The following CYB5D2 variants were observed in gnomAD, a reference collection of about 807,000 sequenced individuals.
The protein encoded by CYB5D2 is neuferricin.
CYB5D2 carries 23 observed loss-of-function variants against 22.8 expected under a neutral mutation model. The observed-to-expected ratio is 1.01, with a 90% confidence interval of 0.73 to 1.43. The LOEUF (loss-of-function observed/expected upper bound fraction) is 1.43, where lower values mean the gene tolerates loss of function less well. Ranked by LOEUF, CYB5D2 falls within the 40% of genes most tolerant of loss-of-function variation. The pLI, the probability that CYB5D2 is intolerant of heterozygous loss-of-function variation, is 0.00. For missense variants in CYB5D2, 373 were observed against 357.2 expected (o/e 1.04, Z -0.36); for synonymous variants, 170 against 152.2 (o/e 1.12, Z -0.86).
chr17:4,149,755 T>C (rs988701153), intron 1 of CYB5D2, 136 bp from the exon 2 acceptor site: 35 of 1,032,202 alleles, frequency 3.4e-5, no homozygotes, highest in Middle Eastern at 2.3e-4. Context: ...GCTGAAATCA[T>C]GCCACTGCAC....
At position 4,157,123 on chromosome 17, in the gene CYB5D2, C is replaced by A; in HGVS notation, c.*41C>A. ...GTTAATAACACACAGAGAGCTCTGC[C>A]AAGCACCTGAGTAGGCCCTTGACAC... On this transcript the variant is annotated 3_prime_UTR_variant, in exon 4 of 4. Coordinates refer to ENST00000301391, the MANE Select transcript of CYB5D2 (RefSeq NM_144611.4). The surrounding 1 kb of genome is among the most constrained non-coding windows in gnomAD (Gnocchi z 4.4). The A allele has an allele frequency of 6.2e-7, 1 of 1,601,056 alleles. No homozygotes were observed. Among genetic ancestry groups the A allele is most frequent in the Non-Finnish European group, 8.5e-7 (1 of 1,173,450 alleles).
At chr17:4,153,997 T>C (rs1484659866) in intron 2 of CYB5D2, among the ~76,000 whole-genome samples, 1 of 152,236 alleles carries the variant, frequency 6.6e-6, no homozygotes, top group Non-Finnish European at 1.5e-5. Flanking sequence ...TCTTGCCTTG[T>C]GGCAGGTGCT....
chr17:4,146,091 TTTTA>T (rs1416904023), intron 1 of CYB5D2, among the ~76,000 whole-genome samples: 3 of 151,866 alleles, frequency 2.0e-5, no homozygotes, highest in Non-Finnish European at 4.4e-5. Flanking sequence ...CCCCCAACCT[TTTTA>T]TTTATTTATT....
At chr17:4,145,343 C>G (rs946312955) in intron 1 of CYB5D2, among the ~76,000 whole-genome samples, 2 of 152,156 alleles carry the variant, frequency 1.3e-5, no homozygotes, top group African/African-American at 4.8e-5. Context: ...CAGTTGGTCT[C>G]GCAAATCCCC....
chr17:4,147,763 G>C (rs1243998445), intron 1 of CYB5D2, among the ~76,000 whole-genome samples: 2 of 152,260 alleles, frequency 1.3e-5, no homozygotes, highest in African/African-American at 4.8e-5. Flanking sequence ...TGAGGCAGGA[G>C]AATTGCTTGA....
At position 4,143,921 on chromosome 17, in the gene CYB5D2, T is replaced by C; in HGVS notation, c.166T>C (p.Tyr56His). ...YRGGPGDPGL[Y>H]LALLGRVYDV... ...CGGCGGCCCAGGGGACCCGGGCCTG[T>C]ACTTGGCGTTGCTCGGCCGTGTCTA... The change falls in exon 1 of 4, where the codon TAC becomes CAC. Residue 56 changes from tyrosine (Y) to histidine (H), a missense_variant. By Grantham distance (83) the Tyr-to-His change is moderately conservative. Transcript: ENST00000301391. 1 of 1,613,792 alleles carries C rather than the reference T, an allele frequency of 6.2e-7. No individual in the cohort carries two copies. Among genetic ancestry groups the C allele is most frequent in the Non-Finnish European group, 8.5e-7 (1 of 1,180,010 alleles).
rs1383375310 is a variant in CYB5D2 at position 4,149,993 on chromosome 17, A to G, written c.353A>G (p.Asn118Ser). The G allele has an allele frequency of 9.9e-6, 16 of 1,614,164 alleles. No individual in the cohort carries two copies. In the East Asian group the frequency reaches 1.1e-4, roughly 11 times the overall value. ...LSAAEMLTLH[N>S]WLSFYEKNYV... ...GCCGCTGAGATGCTGACACTTCACA[A>G]TTGGCTTTCATTCTATGAGAAGAAT... The change falls in exon 2 of 4, where the codon AAT becomes AGT. Residue 118 changes from asparagine (N) to serine (S), a missense_variant. Transcript: ENST00000301391.
At position 4,143,641 on chromosome 17, in the gene CYB5D2, G is replaced by T. The variant is rs915623688; in HGVS notation, c.-115G>T. On this transcript the variant is annotated 5_prime_UTR_variant, in exon 1 of 4. Coordinates refer to ENST00000301391, the MANE Select transcript of CYB5D2 (RefSeq NM_144611.4). Reference sequence around the variant, plus strand: ...AGGGAGGGAGCGCGAGCACTAGCGCGCGAGAGAGAGAGCGAGAGCGCGCGC... The same window carrying T: ...AGGGAGGGAGCGCGAGCACTAGCGCTCGAGAGAGAGAGCGAGAGCGCGCGC... The T allele has an allele frequency of 7.8e-5, 111 of 1,429,560 alleles. No homozygotes were observed. Among genetic ancestry groups the T allele is most frequent in the Non-Finnish European group, 1.0e-4 (106 of 1,062,078 alleles). The allele number at this position is 1,429,560 out of a possible 1,614,324, so 88.6% of individuals were successfully genotyped here. A position where few individuals can be genotyped will look rare whatever the true frequency, so the allele number is the denominator to read the frequency against.
In CYB5D2 at chr17:4,143,936, G is replaced by T; in HGVS notation, c.181G>T (p.Gly61Cys). The T allele has an allele frequency of 3.7e-6, 6 of 1,613,586 alleles. No homozygotes were observed. The highest frequency in any genetic ancestry group is 1.1e-5 in the South Asian group (1 of 91,052). The change falls in exon 1 of 4, where the codon GGC becomes TGC. Residue 61 changes from glycine (G) to cysteine (C), a missense_variant. By Grantham distance (159) the Gly-to-Cys change is radical. Coordinates refer to ENST00000301391, the MANE Select transcript of CYB5D2 (RefSeq NM_144611.4). ...GDPGLYLALL[G>C]RVYDVSSGRR... is the part of the protein sequence containing the mutation. ...CCCGGGCCTGTACTTGGCGTTGCTC[G>T]GCCGTGTCTACGATGTGTCCTCCGG... is the stretch of plus-strand genomic sequence containing the variant.
At chr17:4,153,831 C>T (rs1416787755) in intron 2 of CYB5D2, among the ~76,000 whole-genome samples, 5 of 152,208 alleles carry the variant, frequency 3.3e-5, no homozygotes, top group Non-Finnish European at 7.3e-5. Context: ...AGAGGCAACA[C>T]GGATTTGGGA....
At position 4,143,857 on chromosome 17, in the gene CYB5D2, C is replaced by G. The variant is rs140723199; in HGVS notation, c.102C>G (p.Gly34=). Residue 34 remains glycine, a synonymous_variant, in exon 1 of 4, where the codon GGC becomes GGG. Coordinates refer to ENST00000301391, the MANE Select transcript of CYB5D2 (RefSeq NM_144611.4). ...TGGGCTGGTGGGGTCCCCGCGCTGG[C>G]TTTCGCCTTTTCATACCGGAGGAGC... ...RLMGWWGPRA[G]FRLFIPEELS... The G allele has an allele frequency of 3.1e-6, 5 of 1,614,120 alleles. No individual in the cohort carries two copies. The African/African-American group carries it at 6.7e-5, about 22-fold the overall frequency.
chr17:4,143,531 A>G lies in CYB5D2; in HGVS notation c.-225A>G. 2.5e-5 allele frequency: 2 copies of G among 78,754 alleles called. No homozygotes were observed. Among genetic ancestry groups the G allele is most frequent in the Non-Finnish European group, 2.1e-5 (1 of 47,288 alleles). The allele number at this position is 78,754 out of a possible 1,614,324, so 4.9% of individuals were successfully genotyped here. A position where few individuals can be genotyped will look rare whatever the true frequency, so the allele number is the denominator to read the frequency against. On this transcript the variant is annotated 5_prime_UTR_variant, in exon 1 of 4. Coordinates refer to ENST00000301391, the MANE Select transcript of CYB5D2 (RefSeq NM_144611.4). ...ACAAGAGCTAAAACTCTGTCTCAGA[A>G]AAAAAAAAAAAAAGTACCTGGAAAA... is the stretch of plus-strand genomic sequence containing the variant.
In CYB5D2 at chr17:4,143,612, A is replaced by C. The variant is rs1339570379; in HGVS notation, c.-144A>C. Reference sequence around the variant, plus strand: ...CAGGAATACAGATAAAACGAGAGAGACTAAGGGAGGGAGCGCGAGCACTAG... The same window carrying C: ...CAGGAATACAGATAAAACGAGAGAGCCTAAGGGAGGGAGCGCGAGCACTAG... On this transcript the variant is annotated 5_prime_UTR_variant, in exon 1 of 4. Coordinates refer to ENST00000301391, the MANE Select transcript of CYB5D2 (RefSeq NM_144611.4). 2 of 1,182,578 alleles carry C rather than the reference A, an allele frequency of 1.7e-6. No individual in the cohort carries two copies. The highest frequency in any genetic ancestry group is 1.5e-5 in the South Asian group (1 of 66,632). The allele number at this position is 1,182,578 out of a possible 1,614,324, so 73.3% of individuals were successfully genotyped here.
intron 3 of CYB5D2, 104 bp from the exon 4 acceptor site, chr17:4,156,762 G>A (rs933469263): frequency 2.0e-4 from 251 of 1,234,276 alleles, no homozygotes; most frequent in Non-Finnish European, 2.7e-4. Flanking sequence ...CACTCTGGTA[G>A]GCTTCTACTT....
At chr17:4,150,791 C>T (rs2059048393) in intron 2 of CYB5D2, among the ~76,000 whole-genome samples, 1 of 152,186 alleles carries the variant, frequency 6.6e-6, no homozygotes, top group South Asian at 2.1e-4. Context: ...GAGGCTGAGG[C>T]AGGAGAATCG....
In CYB5D2 at chr17:4,154,803, C is replaced by T. The variant is rs754761381; in HGVS notation, c.521C>T (p.Pro174Leu). 30 of 1,614,066 alleles carry T rather than the reference C, an allele frequency of 1.9e-5. No individual in the cohort carries two copies. The highest frequency in any genetic ancestry group is 1.6e-4 in the Middle Eastern group (1 of 6,082). ...LQLQEKQTFP[P>L]CNAEWSSARG... ...CTGCAAGAGAAGCAGACATTCCCGC[C>T]GTGCAACGCGGAGTGGAGCTCAGCC... is the stretch of plus-strand genomic sequence containing the variant. Residue 174 changes from proline to leucine, a missense_variant, in exon 3 of 4, where the codon CCG becomes CTG. Physicochemically the swap from Pro to Leu is moderately conservative, Grantham distance 98. Transcript: ENST00000301391.
chr17:4,152,753 G>T (rs969871380), intron 2 of CYB5D2, among the ~76,000 whole-genome samples: 1 of 152,160 alleles, frequency 6.6e-6, no homozygotes, highest in African/African-American at 2.4e-5. Flanking sequence ...TATTTAAAAT[G>T]AATGCTCTAT....
intron 2 of CYB5D2, among the ~76,000 whole-genome samples, chr17:4,151,822 T>A (rs2059061555): frequency 6.6e-6 from 1 of 152,016 alleles, no homozygotes; most frequent in Non-Finnish European, 1.5e-5. Flanking sequence ...CTGACCAACA[T>A]GGCAAAACCA....
At chr17:4,155,406 TCAG>T (rs2059103402) in intron 3 of CYB5D2, among the ~76,000 whole-genome samples, 1 of 152,060 alleles carries the variant, frequency 6.6e-6, no homozygotes, top group African/African-American at 2.4e-5. Flanking sequence ...TCGCTTGAGC[TCAG>T]GAGTTGGAGT....
Sources: gnomAD v4.1 joint callset for allele counts (sites outside exome capture counted in the v4.1 genomes callset) on GRCh38, gnomAD v4.1.1 for gene constraint, Gnocchi (gnomAD v3.1) non-coding constraint, MANE v1.5 for transcripts, NCBI Gene and HGNC (gene_info 2026-07-23, HGNC 2026-07-21) for gene names.